Variants in MPHOSPH6 observed in about 807,000 individuals in gnomAD.
MPHOSPH6 encodes the protein M-phase phosphoprotein 6.
MPHOSPH6 carries 25 observed loss-of-function variants against 21.8 expected under a neutral mutation model. That is an observed-to-expected ratio of 1.15 (90% CI 0.83 to 1.60). MPHOSPH6 has a LOEUF of 1.60. MPHOSPH6 is among the 40% of genes most tolerant of loss of function. The pLI is 0.00. For missense variants in MPHOSPH6, 269 were observed against 181.8 expected (o/e 1.48, Z -2.76); for synonymous variants, 84 against 56.5 (o/e 1.49, Z -2.18).
In MPHOSPH6 at chr16:82,157,726, C is replaced by T. The variant is rs1446002096; in HGVS notation, c.165-6212G>A. On this transcript the variant is annotated intron_variant, in intron 2 of 4. Transcript: ENST00000258169. ...AGAGTGGTCTGGATAGGCCTCTTGT[C>T]AGGGGTGACATCTGAGCAAGGACCA... Among the ~76,000 whole-genome samples the T allele has an allele frequency of 3.9e-5, 6 of 152,118 alleles. No individual in the cohort carries two copies. In the East Asian group the frequency reaches 5.8e-4, roughly 15 times the overall value.
intron 2 of MPHOSPH6, among the ~76,000 whole-genome samples, chr16:82,163,610 A>G (rs998464757): frequency 1.3e-5 from 2 of 152,256 alleles, no homozygotes; most frequent in Admixed American, 1.3e-4. Flanking sequence ...CCTGGTACAC[A>G]CTATAGATTC....
intron 2 of MPHOSPH6, 106 bp downstream of exon 2, chr16:82,163,976 G>A (rs917680390): frequency 1.3e-5 from 9 of 711,520 alleles, no homozygotes; most frequent in Non-Finnish European, 1.9e-5. Context: ...AAACTGAACA[G>A]AAACAATTTC....
intron 2 of MPHOSPH6, among the ~76,000 whole-genome samples, chr16:82,160,168 T>C (rs1485542425): frequency 6.6e-6 from 1 of 152,214 alleles, no homozygotes; most frequent in East Asian, 1.9e-4. Flanking sequence ...TGTATCTACA[T>C]GCATGGTTTT....
Position 82,148,643 on chromosome 16 carries a change from A to G in MPHOSPH6, c.*88T>C. 6.9e-7 allele frequency: 1 copy of G among 1,455,042 alleles called. No homozygotes were observed. The highest frequency in any genetic ancestry group is 1.4e-5 in the South Asian group (1 of 72,154). 90.1% of individuals were successfully genotyped at this position (1,455,042 alleles called of 1,614,324 possible). On this transcript the variant is annotated 3_prime_UTR_variant, in exon 5 of 5. Coordinates refer to ENST00000258169, the MANE Select transcript of MPHOSPH6 (RefSeq NM_005792.2). ...TTTACAAGTAAACGTTACAGTATTA[A>G]TAACTATAGAGACACCATTGGGATG...
intron 2 of MPHOSPH6, among the ~76,000 whole-genome samples, chr16:82,161,523 T>C (rs1206221515): frequency 1.3e-5 from 2 of 152,174 alleles, no homozygotes; most frequent in African/African-American, 4.8e-5. Context: ...AATAAGGCAA[T>C]AGATAGCAAA....
In MPHOSPH6 at chr16:82,170,167, G is replaced by A. The variant is rs568887770; in HGVS notation, c.9C>T (p.Ala3=). Residue 3 remains alanine, a synonymous_variant, in exon 1 of 5, where the codon GCC becomes GCT. Transcript: ENST00000258169. MA[A]ERKTRLSKNL... is the part of the protein sequence containing the mutation. ...TCTTGGACAACCTTGTCTTTCGCTC[G>A]GCCGCCATGGTAGCTTCCGCCCAGC... 5 of 1,590,988 alleles carry A rather than the reference G, an allele frequency of 3.1e-6. No homozygotes were observed. In the African/African-American group the frequency reaches 4.1e-5, roughly 13 times the overall value.
intron 2 of MPHOSPH6, 30 bp downstream of exon 2, chr16:82,164,052 C>G: frequency 7.0e-7 from 1 of 1,435,492 alleles, no homozygotes; most frequent in Non-Finnish European, 9.8e-7. Flanking sequence ...ATGCCACAAG[C>G]ATCATCAGTA....
At chr16:82,151,592 AT>A in intron 2 of MPHOSPH6, 78 bp from the exon 3 acceptor site, 2 of 1,466,616 alleles carry the variant, frequency 1.4e-6, no homozygotes, top group East Asian at 2.3e-5. Flanking sequence ...AATAAAAAAA[AT>A]AATCAACCTA....
intron 2 of MPHOSPH6, among the ~76,000 whole-genome samples, chr16:82,161,740 G>A (rs924655025): frequency 6.6e-6 from 1 of 152,216 alleles, no homozygotes; most frequent in East Asian, 1.9e-4. Flanking sequence ...CCACATATGA[G>A]AGCTCTGGAG....
chr16:82,161,949 A>G (rs1906620789), intron 2 of MPHOSPH6, among the ~76,000 whole-genome samples: 1 of 152,360 alleles, frequency 6.6e-6, no homozygotes, highest in Non-Finnish European at 1.5e-5. Flanking sequence ...GCACAGACAC[A>G]TGCAATCTCC....
chr16:82,153,788 AT>A (rs1906343584), intron 2 of MPHOSPH6, among the ~76,000 whole-genome samples: 1 of 152,160 alleles, frequency 6.6e-6, no homozygotes, highest in African/African-American at 2.4e-5. Context: ...GCTGTAACAA[AT>A]TTAAGCTGAC....
rs552688569 is a variant in MPHOSPH6, at chr16:82,166,180, C to A, written c.52-1986G>T. On this transcript the variant is annotated intron_variant, in intron 1 of 4. Coordinates refer to ENST00000258169, the MANE Select transcript of MPHOSPH6 (RefSeq NM_005792.2). ...TGGCATGAAGGACGCACGGGATATC[C>A]CTGTACACTTTTTGCAACTTCCTGT... 7.1e-4 allele frequency among the ~76,000 whole-genome samples: 108 copies of A among 152,274 alleles called. 1 individual carries two copies. Among genetic ancestry groups the A allele is most frequent in the African/African-American group, 2.5e-3 (103 of 41,554 alleles).
chr16:82,148,860 ATATCTGTC>A lies in MPHOSPH6; in HGVS notation c.351-5_353del. On this transcript the variant is annotated splice_acceptor_variant and splice_polypyrimidine_tract_variant and coding_sequence_variant and intron_variant, in exon 5 of 5. Coordinates refer to ENST00000258169, the MANE Select transcript of MPHOSPH6 (RefSeq NM_005792.2). LOFTEE classifies it high-confidence loss of function. ...TCCCAATTGTCCCCACCAAGGTCTC[ATATCTGTC>A]AAGAGGACAGGCAGCACACGTTTAA... 2 of 1,614,144 alleles carry A rather than the reference ATATCTGTC, an allele frequency of 1.2e-6. No homozygotes were observed. Among genetic ancestry groups the A allele is most frequent in the Non-Finnish European group, 1.7e-6 (2 of 1,180,016 alleles).
Position 82,151,293 on chromosome 16 carries a change from T to G in MPHOSPH6, c.255+131A>C, listed in dbSNP as rs1486059855. 18 of 1,315,740 alleles carry G rather than the reference T, an allele frequency of 1.4e-5. No homozygotes were observed. In the Admixed American group the frequency reaches 4.1e-4, roughly 30 times the overall value. The allele number at this position is 1,315,740 out of a possible 1,614,324, so 81.5% of individuals were successfully genotyped here. A position where few individuals can be genotyped will look rare whatever the true frequency, so the allele number is the denominator to read the frequency against. On this transcript the variant is annotated intron_variant, in intron 3 of 4. Transcript: ENST00000258169. ...CAATTTCTTTAAATAGCTATGGCGA[T>G]ATTTCAAGACTTGTTATTTTCTATA...
At chr16:82,158,143 C>T (rs1465098711) in intron 2 of MPHOSPH6, among the ~76,000 whole-genome samples, 1 of 151,940 alleles carries the variant, frequency 6.6e-6, no homozygotes, top group African/African-American at 2.4e-5. Flanking sequence ...TTAATCTTAG[C>T]CCTCAATTAC....
chr16:82,149,250 C>T, intron 4 of MPHOSPH6, 59 bp downstream of exon 4: 1 of 1,543,858 alleles, frequency 6.5e-7, no homozygotes. Context: ...GAGGAGCATT[C>T]CTGGGAGAGC....
At chr16:82,160,303 C>A (rs1452711060) in intron 2 of MPHOSPH6, among the ~76,000 whole-genome samples, 1 of 152,194 alleles carries the variant, frequency 6.6e-6, no homozygotes, top group Non-Finnish European at 1.5e-5. Context: ...AACACACCCA[C>A]AAAATTATTT....
chr16:82,155,808 G>A (rs1351281497), intron 2 of MPHOSPH6, among the ~76,000 whole-genome samples: 1 of 152,040 alleles, frequency 6.6e-6, no homozygotes, highest in Non-Finnish European at 1.5e-5. Flanking sequence ...AGGAGGCTGG[G>A]GCAGGAGAAT....
chr16:82,159,332 A>C (rs750646414), intron 2 of MPHOSPH6, among the ~76,000 whole-genome samples: 34 of 152,244 alleles, frequency 2.2e-4, no homozygotes, highest in Non-Finnish European at 4.3e-4. Context: ...TTGTTATTTA[A>C]ATAATTTTTA....
Sources: allele counts gnomAD v4.1 joint callset (sites outside exome capture counted in the v4.1 genomes callset), GRCh38; gene constraint gnomAD v4.1.1; transcripts MANE v1.5; gene names NCBI Gene and HGNC (gene_info 2026-07-23, HGNC 2026-07-21).